CCDC158: variants seen among roughly 807,000 people sequenced by gnomAD.
CCDC158 encodes the protein coiled-coil domain-containing protein 158.
A neutral mutation model predicts 138.6 loss-of-function variants in CCDC158; 116 were observed. That is an observed-to-expected ratio of 0.84 (90% confidence interval 0.72 to 0.98). The LOEUF (loss-of-function observed/expected upper bound fraction) is 0.98, where lower values mean the gene tolerates loss of function less well. CCDC158 is among the 50% of genes least tolerant of loss of function. CCDC158 has a pLI of 0.00. For synonymous variants in CCDC158, 436 were observed against 442.4 expected (o/e 0.99, Z 0.18); for missense variants, 1,265 against 1,306.1 (o/e 0.97, Z 0.48).
chr4:76,321,703 A>G (rs888920879), intron 24 of CCDC158, among the ~76,000 whole-genome samples: 8 of 145,584 alleles, frequency 5.5e-5, no homozygotes, highest in African/African-American at 1.8e-4. Flanking sequence ...TGGTGTGTGT[A>G]TATATATATA....
chr4:76,420,603 TACC>T (rs1730037837), intron 1 of CCDC158, among the ~76,000 whole-genome samples: 1 of 152,218 alleles, frequency 6.6e-6, no homozygotes, highest in Non-Finnish European at 1.5e-5. Flanking sequence ...CTGTCCTCTC[TACC>T]ACCAAGTCTT....
rs757075539 is a variant in CCDC158, at chr4:76,367,558, G to C, written c.1566C>G (p.Leu522=). 5 of 1,614,228 alleles carry C rather than the reference G, an allele frequency of 3.1e-6. No homozygotes were observed. Among genetic ancestry groups the C allele is most frequent in the Non-Finnish European group, 2.5e-6 (3 of 1,180,046 alleles). The change falls in exon 12 of 25, where the codon CTC becomes CTG. Residue 522 remains leucine, a synonymous_variant. Coordinates refer to ENST00000682701, the MANE Select transcript of CCDC158 (RefSeq NM_001394954.1). ...IEATNAEITK[L]RSRVDLKLQE... ...GCAATTTCAAGTCCACCCGGGAGCG[G>C]AGCTTTGTGATCTCTGCATTGGTAG...
At chr4:76,409,910 CA>C (rs113239882) in intron 2 of CCDC158, among the ~76,000 whole-genome samples, 1,608 of 140,278 alleles carry the variant, frequency 0.011, 17 homozygotes, top group African/African-American at 0.035. Context: ...GGAATGTTGC[CA>C]AAAAAAAAAA....
At position 76,375,259 on chromosome 4, in the gene CCDC158, T is replaced by G. The variant is rs892479171; in HGVS notation, c.1030-3723A>C. ...CCATCTATGAATGCACTTTTTGGTTTGGATCACTGGACAAATGAGTATTGG... is the reference window on the plus strand; with the variant it reads ...CCATCTATGAATGCACTTTTTGGTTGGGATCACTGGACAAATGAGTATTGG... On this transcript the variant is annotated intron_variant, in intron 9 of 24. Coordinates refer to ENST00000682701, the MANE Select transcript of CCDC158 (RefSeq NM_001394954.1). The G allele has an allele frequency of 1.8e-5, 6 of 325,314 alleles. No individual in the cohort carries two copies. In the Admixed American group the frequency reaches 1.9e-4, roughly 11 times the overall value. The allele number at this position is 325,314 out of a possible 1,614,324, so 20.2% of individuals were successfully genotyped here.
At chr4:76,326,665 A>G (rs931321826) in intron 22 of CCDC158, among the ~76,000 whole-genome samples, 3 of 152,202 alleles carry the variant, frequency 2.0e-5, no homozygotes, top group African/African-American at 7.2e-5. Context: ...GACTATATTT[A>G]AATAAGCAAT....
chr4:76,377,335 A>T, intron 9 of CCDC158, among the ~76,000 whole-genome samples: 1 of 152,236 alleles, frequency 6.6e-6, no homozygotes, highest in East Asian at 1.9e-4. Context: ...ATAGACAATG[A>T]GTACTTAATC....
At chr4:76,313,678 A>G (rs1428898470) in intron 24 of CCDC158, among the ~76,000 whole-genome samples, 1 of 152,222 alleles carries the variant, frequency 6.6e-6, no homozygotes, top group Non-Finnish European at 1.5e-5. Flanking sequence ...AGATAGATGA[A>G]GGTCAGTCTT....
intron 24 of CCDC158, among the ~76,000 whole-genome samples, chr4:76,318,287 A>G (rs971543277): frequency 2.0e-5 from 3 of 152,296 alleles, no homozygotes. Context: ...AGAAAAGAAG[A>G]TAGAAGATCC....
intron 18 of CCDC158, among the ~76,000 whole-genome samples, chr4:76,339,400 C>T (rs1721843730): frequency 1.3e-5 from 2 of 152,206 alleles, no homozygotes; most frequent in Non-Finnish European, 2.9e-5. Flanking sequence ...AGCACCGTAA[C>T]TAGACATACA....
At position 76,355,798 on chromosome 4, in the gene CCDC158, CGTGTGTGT is replaced by C. The variant is rs71212417; in HGVS notation, c.2174-370_2174-363del. Among the ~76,000 whole-genome samples the C allele has an allele frequency of 4.6e-4, 67 of 145,580 alleles. 2 individuals are homozygous for C. In the South Asian group the frequency reaches 0.014, roughly 30 times the overall value. ...AAATATATAATATATAATATATGTA[CGTGTGTGT>C]GTGTGTGTGTGTGTGTGTGTGTGTA... On this transcript the variant is annotated intron_variant, in intron 14 of 24. Transcript: ENST00000682701.
rs971825627 is a variant in CCDC158, at chr4:76,341,044, T to C, written c.2665-6877A>G. On this transcript the variant is annotated intron_variant, in intron 18 of 24. Coordinates refer to ENST00000682701, the MANE Select transcript of CCDC158 (RefSeq NM_001394954.1). The stretch of plus-strand genomic sequence containing the variant: ...TAAGCTTAAGGTTTATTTTGTGGTT[T>C]GGTTAGTTTCCTATTACATTGTGAC... 5.3e-5 allele frequency among the ~76,000 whole-genome samples: 8 copies of C among 152,334 alleles called. No homozygotes were observed. In the South Asian group the frequency reaches 1.2e-3, roughly 24 times the overall value.
chr4:76,375,711 T>C (rs1725657953), intron 9 of CCDC158: 1 of 683,356 alleles, frequency 1.5e-6, no homozygotes, highest in East Asian at 2.7e-5. Flanking sequence ...TCTCCTAAAG[T>C]GGAAAGAGAA....
rs1166917948 is a variant in CCDC158 at position 76,384,201 on chromosome 4, A to G, written c.613T>C (p.Cys205Arg). 7.4e-6 allele frequency: 12 copies of G among 1,614,026 alleles called. No homozygotes were observed. The highest frequency in any genetic ancestry group is 1.3e-5 in the African/African-American group (1 of 74,916). The change falls in exon 6 of 25, where the codon TGT becomes CGT. Residue 205 changes from cysteine to arginine, a missense_variant. Cys to Arg is a radical substitution (Grantham distance 180). Coordinates refer to ENST00000682701, the MANE Select transcript of CCDC158 (RefSeq NM_001394954.1). ...DFEEASGKKI[C>R]EHDSMSTLHF... ...AGAGTAGACATGCTGTCATGTTCAC[A>G]TATTTTTTTGCCTGAGGCTTCTTCA...
At chr4:76,346,969 C>T (rs1722611920) in intron 18 of CCDC158, among the ~76,000 whole-genome samples, 4 of 151,972 alleles carry the variant, frequency 2.6e-5, no homozygotes, top group African/African-American at 9.7e-5. Context: ...AAATCAAAAC[C>T]AAAATGAGAT....
chr4:76,348,861 G>A (rs1264033287), intron 18 of CCDC158, among the ~76,000 whole-genome samples: 1 of 152,134 alleles, frequency 6.6e-6, no homozygotes, highest in African/African-American at 2.4e-5. Context: ...GTGTGTTAGA[G>A]TCCCAGAGGG....
chr4:76,344,974 T>C (rs1722402424), intron 18 of CCDC158: 2 of 1,479,234 alleles, frequency 1.4e-6, no homozygotes. Flanking sequence ...TCCTTTTTAC[T>C]GGAGTTAGGG....
chr4:76,386,311 G>A (rs1415602730), intron 4 of CCDC158, among the ~76,000 whole-genome samples: 2 of 152,230 alleles, frequency 1.3e-5, no homozygotes, highest in Non-Finnish European at 2.9e-5. Context: ...AATAGGGTCT[G>A]GAGGCAGGGA....
At chr4:76,392,761 T>C (rs1727429425) in intron 4 of CCDC158, among the ~76,000 whole-genome samples, 3 of 151,946 alleles carry the variant, frequency 2.0e-5, no homozygotes, top group South Asian at 4.2e-4. Context: ...CCAAAAAAAA[T>C]GTTAGAACTA....
intron 18 of CCDC158, among the ~76,000 whole-genome samples, chr4:76,350,775 A>G (rs905310646): frequency 6.6e-6 from 1 of 152,226 alleles, no homozygotes; most frequent in Non-Finnish European, 1.5e-5. Flanking sequence ...CTTGAGATGG[A>G]AATAACCAAA....
Sources: allele counts gnomAD v4.1 joint callset (sites outside exome capture counted in the v4.1 genomes callset), GRCh38; gene constraint gnomAD v4.1.1; transcripts MANE v1.5; gene names NCBI Gene and HGNC (gene_info 2026-07-23, HGNC 2026-07-21).